Variants in KLRG1 observed in about 807,000 individuals in gnomAD.
KLRG1 encodes killer cell lectin like receptor G1, also known as killer cell lectin-like receptor subfamily G member 1.
Under a neutral mutation model 21.8 loss-of-function variants are expected in KLRG1, and 16 were observed. The observed-to-expected ratio is 0.73, with a 90% CI of 0.50 to 1.11. The LOEUF is 1.11. Ranked by LOEUF, KLRG1 falls within the 50% of genes most tolerant of loss-of-function variation. The probability of loss-of-function intolerance (pLI) is 0.00; values close to 1 mark genes in which losing one functional copy is unlikely to be tolerated. For missense variants in KLRG1, 173 were observed against 218.3 expected (o/e 0.79, Z 1.31); for synonymous variants, 69 against 75.9 (o/e 0.91, Z 0.47).
downstream of KLRG1, among the ~76,000 whole-genome samples, chr12:9,012,710 T>G (rs899648091): frequency 1.3e-5 from 2 of 152,032 alleles, no homozygotes; most frequent in Non-Finnish European, 2.9e-5. Context: ...AGTAAGCACC[T>G]GGGGTCCTTG....
chr12:9,175,006 C>T, the KLRG1 span, among the ~76,000 whole-genome samples: 1 of 152,164 alleles, frequency 6.6e-6, no homozygotes, highest in Non-Finnish European at 1.5e-5. Context: ...ATTGCCAAGA[C>T]AATTCTAAGC....
At chr12:9,202,618 C>G in the KLRG1 span, 3 of 1,614,116 alleles carry the variant, frequency 1.9e-6, no homozygotes, top group Non-Finnish European at 2.5e-6. Flanking sequence ...TTCCTGAAAT[C>G]TTGCGTAGGC....
At chr12:9,192,658 G>A in the KLRG1 span, 22 of 1,613,818 alleles carry the variant, frequency 1.4e-5, no homozygotes, top group Admixed American at 2.0e-4. Context: ...GAGAAAACAC[G>A]ATTTGCAGTG....
chr12:9,004,696 G>A (rs1319443472), intron 3 of KLRG1, among the ~76,000 whole-genome samples: 2 of 152,044 alleles, frequency 1.3e-5, no homozygotes, highest in African/African-American at 4.8e-5. Context: ...GTCCAGGCTG[G>A]TCCTGAACTC....
At chr12:9,196,743 A>C in the KLRG1 span, 1 of 1,414,054 alleles carries the variant, frequency 7.1e-7, no homozygotes, top group Non-Finnish European at 1.0e-6. Flanking sequence ...TAGTCACTGA[A>C]TCTACTATTC....
chr12:9,209,154 G>C, the KLRG1 span, among the ~76,000 whole-genome samples: 4 of 152,060 alleles, frequency 2.6e-5, no homozygotes. Context: ...AGAACTTGTA[G>C]TACAATGATG....
chr12:9,009,156 G>A (rs1947566622), intron 4 of KLRG1, 81 bp downstream of exon 4: 1 of 1,094,476 alleles, frequency 9.1e-7, no homozygotes, highest in Admixed American at 2.5e-5. Context: ...AATAGATAAA[G>A]AAGAGCAGAT....
chr12:9,070,527 C>G, the KLRG1 span: 4 of 1,613,684 alleles, frequency 2.5e-6, no homozygotes, highest in Non-Finnish European at 3.4e-6. Context: ...AGCCAGAGAC[C>G]ATCTTCACAT....
the KLRG1 span, among the ~76,000 whole-genome samples, chr12:9,016,047 TAAAAAAGTAA>T: frequency 6.6e-6 from 1 of 151,726 alleles, no homozygotes; most frequent in African/African-American, 2.4e-5. Flanking sequence ...ACCACCTACA[TAAAAAAGTAA>T]AAATGCCTCA....
the KLRG1 span, chr12:9,196,650 G>C: frequency 2.5e-6 from 4 of 1,613,516 alleles, no homozygotes; most frequent in East Asian, 2.2e-5. Context: ...GCATTTTGGT[G>C]TGTACTTGTT....
At chr12:9,026,323 G>A in the KLRG1 span, among the ~76,000 whole-genome samples, 2 of 152,138 alleles carry the variant, frequency 1.3e-5, no homozygotes, top group Admixed American at 1.3e-4. Flanking sequence ...CATGTATTCT[G>A]TTTTCTCATG....
chr12:9,163,989 G>A, the KLRG1 span: 2 of 1,238,758 alleles, frequency 1.6e-6, no homozygotes, highest in Admixed American at 4.9e-5. Context: ...AGTGGGAGGA[G>A]GTCATAGTGG....
chr12:9,031,677 T>G, the KLRG1 span, among the ~76,000 whole-genome samples: 1 of 152,184 alleles, frequency 6.6e-6, no homozygotes, highest in Non-Finnish European at 1.5e-5. Context: ...CCCAAGGTGG[T>G]CGGGGCACAG....
the KLRG1 span, among the ~76,000 whole-genome samples, chr12:9,211,553 G>C: frequency 4.6e-5 from 7 of 152,120 alleles, no homozygotes; most frequent in Non-Finnish European, 8.8e-5. Flanking sequence ...GCATCTTTAA[G>C]ATGATTATTT....
chr12:9,068,808 A>T, the KLRG1 span: 1 of 1,607,784 alleles, frequency 6.2e-7, no homozygotes, highest in Non-Finnish European at 8.5e-7. Context: ...ATCTTGCAGA[A>T]CCGTGAAGAA....
the KLRG1 span, among the ~76,000 whole-genome samples, chr12:9,144,726 G>A: frequency 2.0e-5 from 3 of 152,136 alleles, no homozygotes. Context: ...AGTTTATTGT[G>A]GGGTTGGAAT....
At chr12:9,005,841 A>G (rs755997113) in intron 3 of KLRG1, among the ~76,000 whole-genome samples, 3 of 152,210 alleles carry the variant, frequency 2.0e-5, no homozygotes, top group African/African-American at 7.2e-5. Context: ...AGTTCACGAT[A>G]GTGTTTGTAC....
the KLRG1 span, among the ~76,000 whole-genome samples, chr12:9,149,860 A>G: frequency 1.6e-3 from 244 of 152,304 alleles, 1 homozygote; most frequent in African/African-American, 5.7e-3. Context: ...TCATAATTGC[A>G]CTAACCTGTA....
chr12:9,025,932 C>G, the KLRG1 span, among the ~76,000 whole-genome samples: 2 of 152,130 alleles, frequency 1.3e-5, no homozygotes, highest in African/African-American at 2.4e-5. Context: ...CTATGGACAG[C>G]AGAATTTTTG....
Sources: allele counts gnomAD v4.1 joint callset (sites outside exome capture counted in the v4.1 genomes callset), GRCh38; gene constraint gnomAD v4.1.1; transcripts MANE v1.5; gene names NCBI Gene and HGNC (gene_info 2026-07-23, HGNC 2026-07-21).